Variants in ADGRB3 observed in about 807,000 individuals in gnomAD.
The protein encoded by ADGRB3 is adhesion G protein-coupled receptor B3, also known as brain-specific angiogenesis inhibitor 3.
A neutral mutation model predicts 193.4 loss-of-function variants in ADGRB3; 37 were observed. That is an observed-to-expected ratio of 0.19 (90% CI 0.15 to 0.25). The LOEUF is 0.25. Ranked by LOEUF, ADGRB3 falls within the 10% of genes least tolerant of loss-of-function variation. The pLI is 1.00. For synonymous variants in ADGRB3, 690 were observed against 644.2 expected (o/e 1.07, Z -1.08); for missense variants, 1,637 against 1,852.9 (o/e 0.88, Z 2.14).
In ADGRB3 at chr6:69,018,486, G is replaced by A. The variant is rs775152589; in HGVS notation, c.2094G>A (p.Met698Ile). The change falls in exon 13 of 32, where the codon ATG becomes ATA. Residue 698 changes from methionine (M) to isoleucine (I), a missense_variant. Met to Ile is a conservative substitution (Grantham distance 10). Coordinates refer to ENST00000370598, the MANE Select transcript of ADGRB3 (RefSeq NM_001704.3). Reference sequence around the variant, plus strand: ...TGGACTTTCAGAATTCATACTTAATGACTGGAAATGTAGGTAAGAAATAGG... The same window carrying A: ...TGGACTTTCAGAATTCATACTTAATAACTGGAAATGTAGGTAAGAAATAGG... ...GMMDFQNSYL[M>I]TGNVVASIQK... The A allele has an allele frequency of 6.3e-7, 1 of 1,599,292 alleles. No individual in the cohort carries two copies. The highest frequency in any genetic ancestry group is 8.5e-7 in the Non-Finnish European group (1 of 1,169,952).
At chr6:69,104,598 G>A (rs1377828092) in intron 17 of ADGRB3, among the ~76,000 whole-genome samples, 1 of 152,014 alleles carries the variant, frequency 6.6e-6, no homozygotes, top group East Asian at 1.9e-4. Flanking sequence ...ATGAAATCAT[G>A]TAAAGAATAT....
chr6:68,705,612 A>G (rs1765313729), intron 3 of ADGRB3, among the ~76,000 whole-genome samples: 1 of 152,172 alleles, frequency 6.6e-6, no homozygotes, highest in Non-Finnish European at 1.5e-5. Flanking sequence ...GTTTAATTGA[A>G]GAGAGTTTAA....
rs770622530 is a variant in ADGRB3 at position 69,332,904 on chromosome 6, C to T, written c.3103-19C>T. On this transcript the variant is annotated intron_variant, in intron 23 of 31. Coordinates refer to ENST00000370598, the MANE Select transcript of ADGRB3 (RefSeq NM_001704.3). ...CCCTTCAATATCATTGAAAGGTCAACTTTGTTTCTGTTTGACAGGTCAACA... is the reference window on the plus strand; with the variant it reads ...CCCTTCAATATCATTGAAAGGTCAATTTTGTTTCTGTTTGACAGGTCAACA... 1.2e-6 allele frequency: 2 copies of T among 1,611,772 alleles called. No individual in the cohort carries two copies. The highest frequency in any genetic ancestry group is 8.5e-7 in the Non-Finnish European group (1 of 1,179,110).
intron 12 of ADGRB3, 29 bp from the exon 13 acceptor site, chr6:69,018,362 T>A: frequency 7.0e-7 from 1 of 1,426,718 alleles, no homozygotes; most frequent in Non-Finnish European, 9.7e-7. Flanking sequence ...AGATTTTTTA[T>A]TCCTTCTAAC....
chr6:69,341,321 G>C (rs1768968841), intron 26 of ADGRB3, among the ~76,000 whole-genome samples: 1 of 152,178 alleles, frequency 6.6e-6, no homozygotes, highest in Non-Finnish European at 1.5e-5. Flanking sequence ...ACTGGCATGA[G>C]ATGGTATTTC....
chr6:68,706,306 G>C (rs188228088), intron 3 of ADGRB3, among the ~76,000 whole-genome samples: 1 of 152,168 alleles, frequency 6.6e-6, no homozygotes, highest in African/African-American at 2.4e-5. Flanking sequence ...GGCTGGGGTG[G>C]GGAAGACTAG....
intron 8 of ADGRB3, among the ~76,000 whole-genome samples, chr6:68,973,785 A>G (rs1768656157): frequency 6.6e-6 from 1 of 152,206 alleles, no homozygotes; most frequent in Non-Finnish European, 1.5e-5. Flanking sequence ...ATTTTGTATG[A>G]AAAGCACAAC....
At chr6:69,031,525 C>CTT (rs780766123) in intron 13 of ADGRB3, among the ~76,000 whole-genome samples, 6 of 49,904 alleles carry the variant, frequency 1.2e-4, no homozygotes, top group Admixed American at 3.6e-4. Flanking sequence ...TTGTCTCTTT[C>CTT]TTTCTTTCTT....
intron 16 of ADGRB3, among the ~76,000 whole-genome samples, chr6:69,065,821 C>T (rs1291093259): frequency 7.2e-6 from 1 of 139,202 alleles, no homozygotes; most frequent in Non-Finnish European, 1.6e-5. Context: ...ATTCAGTTGG[C>T]CCTCAGTATC....
intron 11 of ADGRB3, among the ~76,000 whole-genome samples, chr6:69,011,525 G>A (rs1215354885): frequency 1.3e-5 from 2 of 151,824 alleles, no homozygotes; most frequent in African/African-American, 2.4e-5. Flanking sequence ...CCTAACTACT[G>A]GCTACTGTGC....
chr6:69,316,505 A>G lies in ADGRB3; in HGVS notation c.2815-8367A>G, dbSNP rs372486320. Among the ~76,000 whole-genome samples the G allele has an allele frequency of 2.5e-4, 38 of 151,636 alleles. 1 individual carries two copies. The highest frequency in any genetic ancestry group is 8.7e-4 in the African/African-American group (36 of 41,498). ...ACAAATTTTCAAAATTAATTTAAAA[A>G]GTGAATAGCCTGATGAGGGCTTTAA... On this transcript the variant is annotated intron_variant, in intron 20 of 31. Coordinates refer to ENST00000370598, the MANE Select transcript of ADGRB3 (RefSeq NM_001704.3).
chr6:68,650,676 A>C (rs1768342081), intron 3 of ADGRB3, among the ~76,000 whole-genome samples: 1 of 152,196 alleles, frequency 6.6e-6, no homozygotes, highest in Admixed American at 6.5e-5. Context: ...ACACATACAC[A>C]AAATGTATTT....
At chr6:68,649,567 A>T (rs893988959) in intron 3 of ADGRB3, among the ~76,000 whole-genome samples, 5 of 152,190 alleles carry the variant, frequency 3.3e-5, no homozygotes, top group African/African-American at 1.2e-4. Context: ...GGTCTCAAAA[A>T]AACGATTGAT....
chr6:69,374,425 A>G (rs72915041), intron 30 of ADGRB3, among the ~76,000 whole-genome samples: 5,422 of 152,124 alleles, frequency 0.036, 131 homozygotes, highest in Non-Finnish European at 0.053. Flanking sequence ...TCCGCCTGCA[A>G]GCTTTATCAT....
At chr6:68,798,013 T>A (rs1471013329) in intron 3 of ADGRB3, among the ~76,000 whole-genome samples, 2 of 152,194 alleles carry the variant, frequency 1.3e-5, no homozygotes, top group Non-Finnish European at 2.9e-5. Flanking sequence ...TTTTTTATTG[T>A]GACACTCCTA....
chr6:69,336,916 C>A (rs1768862642), intron 24 of ADGRB3, among the ~76,000 whole-genome samples: 1 of 152,156 alleles, frequency 6.6e-6, no homozygotes, highest in East Asian at 1.9e-4. Flanking sequence ...TCATGCACAT[C>A]CAGTAATAGA....
At chr6:68,701,761 C>T (rs1226503581) in intron 3 of ADGRB3, among the ~76,000 whole-genome samples, 2 of 152,136 alleles carry the variant, frequency 1.3e-5, no homozygotes, top group African/African-American at 4.8e-5. Flanking sequence ...TTTAAATTGG[C>T]TCTTCATTAT....
intron 20 of ADGRB3, among the ~76,000 whole-genome samples, chr6:69,277,108 G>C (rs1767319662): frequency 6.6e-6 from 1 of 150,636 alleles, no homozygotes; most frequent in Non-Finnish European, 1.5e-5. Context: ...CGATTCTCCT[G>C]CCTCAGCCTC....
At chr6:69,089,729 A>G (rs1772651698) in intron 17 of ADGRB3, among the ~76,000 whole-genome samples, 1 of 152,196 alleles carries the variant, frequency 6.6e-6, no homozygotes, top group African/African-American at 2.4e-5. Context: ...CTGCTGCCCT[A>G]GAGCTCTGGT....
Sources: allele counts gnomAD v4.1 joint callset (sites outside exome capture counted in the v4.1 genomes callset), GRCh38; gene constraint gnomAD v4.1.1; transcripts MANE v1.5; gene names NCBI Gene and HGNC (gene_info 2026-07-23, HGNC 2026-07-21).